The following BAIAP2L1 variants were observed in gnomAD, a reference collection of about 807,000 sequenced individuals.
BAIAP2L1 encodes the protein BAR/IMD domain-containing adapter protein 2-like 1.
In BAIAP2L1, 35 loss-of-function variants were observed where a neutral mutation model predicts 66.3. The ratio of observed to expected loss-of-function variants is 0.53; its 90% CI spans 0.40 to 0.70. The LOEUF (loss-of-function observed/expected upper bound fraction) is 0.70, where lower values mean the gene tolerates loss of function less well. Among genes scored for constraint, BAIAP2L1 ranks in the 30% least tolerant of loss-of-function variants. The probability of loss-of-function intolerance (pLI) is 0.00; values close to 1 mark genes in which losing one functional copy is unlikely to be tolerated. For synonymous variants in BAIAP2L1, 269 were observed against 248.7 expected, an observed-to-expected ratio of 1.08 and a Z score of -0.77; for missense variants, 622 against 656.9, an observed-to-expected ratio of 0.95 and a Z score of 0.58.
intron 3 of BAIAP2L1, among the ~76,000 whole-genome samples, chr7:98,328,571 AT>A (rs1274753586): frequency 6.6e-6 from 1 of 151,520 alleles, no homozygotes; most frequent in Non-Finnish European, 1.5e-5. Context: ...GGGTTCAATA[AT>A]GCACTGGCTT....
At chr7:98,393,096 T>TAC (rs1472771549) in intron 1 of BAIAP2L1, among the ~76,000 whole-genome samples, 4 of 113,474 alleles carry the variant, frequency 3.5e-5, no homozygotes, top group Non-Finnish European at 7.1e-5. Context: ...TATACATATA[T>TAC]ACGTGTACAT....
chr7:98,304,111 G>A (rs1449410415), intron 12 of BAIAP2L1, 85 bp downstream of exon 12: 1 of 1,392,004 alleles, frequency 7.2e-7, no homozygotes, highest in Non-Finnish European at 9.5e-7. Flanking sequence ...ACAGAGCAGA[G>A]CAAGGCGGTC....
At chr7:98,297,718 A>G (rs1424424193) in intron 12 of BAIAP2L1, among the ~76,000 whole-genome samples, 1 of 152,102 alleles carries the variant, frequency 6.6e-6, no homozygotes, top group Non-Finnish European at 1.5e-5. Context: ...AGCCACTGGG[A>G]TCTTTTTGGA....
chr7:98,297,436 G>A (rs1800239221), intron 12 of BAIAP2L1, among the ~76,000 whole-genome samples: 2 of 152,202 alleles, frequency 1.3e-5, no homozygotes, highest in Admixed American at 1.3e-4. Flanking sequence ...GGCCCTCACT[G>A]CAGAGGGCAG....
rs754804998 is a variant in BAIAP2L1, at chr7:98,293,487, C to A, written c.*34G>T. 4 of 1,592,524 alleles carry A rather than the reference C, an allele frequency of 2.5e-6. No individual in the cohort carries two copies. The highest frequency in any genetic ancestry group is 2.6e-6 in the Non-Finnish European group (3 of 1,162,056). ...GCGCCCATCATTCCGCAAGGGAGAACCGGAGAGGCCCGGGAGAGTCCTTGG... is the reference window on the plus strand; with the variant it reads ...GCGCCCATCATTCCGCAAGGGAGAAACGGAGAGGCCCGGGAGAGTCCTTGG... On this transcript the variant is annotated 3_prime_UTR_variant, in exon 14 of 14. Coordinates refer to ENST00000005260, the MANE Select transcript of BAIAP2L1 (RefSeq NM_018842.5).
chr7:98,301,493 AT>A (rs1800421131), intron 12 of BAIAP2L1, among the ~76,000 whole-genome samples: 1 of 149,250 alleles, frequency 6.7e-6, no homozygotes, highest in East Asian at 2.0e-4. Context: ...ATATATATAT[AT>A]TTTAAGTGGA....
intron 1 of BAIAP2L1, chr7:98,400,482 G>A (rs1186569808): frequency 6.2e-5 from 24 of 388,846 alleles, no homozygotes; most frequent in African/African-American, 1.1e-4. Context: ...GAGGGAGAGT[G>A]AACGGGGAGC....
intron 1 of BAIAP2L1, among the ~76,000 whole-genome samples, chr7:98,394,250 C>CAAACAAAT (rs1803145776): frequency 1.3e-5 from 2 of 151,600 alleles, no homozygotes; most frequent in Admixed American, 6.6e-5. Context: ...CAAAAACAAA[C>CAAACAAAT]AAACAAACAA....
intron 1 of BAIAP2L1, among the ~76,000 whole-genome samples, chr7:98,386,860 CAA>C: frequency 6.6e-6 from 1 of 151,832 alleles, no homozygotes; most frequent in Admixed American, 6.6e-5. Context: ...CCACTGCACC[CAA>C]CTAATTTTTT....
intron 1 of BAIAP2L1, among the ~76,000 whole-genome samples, chr7:98,397,745 C>T: frequency 6.6e-6 from 1 of 152,156 alleles, no homozygotes; most frequent in Non-Finnish European, 1.5e-5. Context: ...TGCAAAATCA[C>T]AGCAAGCTTT....
chr7:98,357,047 ATATTTTTTTT>A (rs1359737330), intron 2 of BAIAP2L1, among the ~76,000 whole-genome samples: 1 of 16,488 alleles, frequency 6.1e-5, no homozygotes, highest in African/African-American at 2.4e-4. Context: ...ATATATATAT[ATATTTTTTTT>A]TTTTTTTTTT....
chr7:98,294,063 G>A lies in BAIAP2L1; in HGVS notation c.1460+11C>T. 6.2e-7 allele frequency: 1 copy of A among 1,613,706 alleles called. No homozygotes were observed. Among genetic ancestry groups the A allele is most frequent in the Non-Finnish European group, 8.5e-7 (1 of 1,179,548 alleles). On this transcript the variant is annotated intron_variant, in intron 13 of 13. Transcript: ENST00000005260. ...TCACACACTGAGGCTCACGTAGGAA[G>A]CCACGCCTACCTGAGAAAAGGCGGC... is the stretch of plus-strand genomic sequence containing the variant.
At chr7:98,346,863 G>C (rs1028614503) in intron 3 of BAIAP2L1, among the ~76,000 whole-genome samples, 3 of 152,186 alleles carry the variant, frequency 2.0e-5, no homozygotes, top group African/African-American at 7.2e-5. Context: ...TGGAAATGCT[G>C]ACACTGTTGG....
At chr7:98,294,015 G>A (rs943067220) in intron 13 of BAIAP2L1, 59 bp downstream of exon 13, 1 of 1,572,902 alleles carries the variant, frequency 6.4e-7, no homozygotes, top group African/African-American at 1.4e-5. Flanking sequence ...CCCTTCCGGG[G>A]GACACTACAG....
rs1037823151 is a variant in BAIAP2L1 at position 98,393,055 on chromosome 7, A to G, written c.51+7747T>C. On this transcript the variant is annotated intron_variant, in intron 1 of 13. Transcript: ENST00000005260. The stretch of plus-strand genomic sequence containing the variant: ...TATATATACATATATACGTGTACAT[A>G]TATGTACACATATATGTATACACAC... Among the ~76,000 whole-genome samples, 2 of 106,284 alleles carry G rather than the reference A, an allele frequency of 1.9e-5. 1 individual carries two copies. The highest frequency in any genetic ancestry group is 8.8e-5 in the African/African-American group (2 of 22,836). 69.7% of individuals were successfully genotyped at this position (106,284 alleles called of 152,430 possible).
At chr7:98,371,369 C>G (rs370636744) in intron 1 of BAIAP2L1, among the ~76,000 whole-genome samples, 2 of 152,272 alleles carry the variant, frequency 1.3e-5, no homozygotes, top group East Asian at 1.9e-4. Flanking sequence ...TAATATCACT[C>G]TTCTACTTGT....
intron 1 of BAIAP2L1, among the ~76,000 whole-genome samples, chr7:98,382,182 A>G (rs1322307729): frequency 1.3e-5 from 2 of 152,050 alleles, no homozygotes; most frequent in Non-Finnish European, 2.9e-5. Flanking sequence ...TCAGCCTCCC[A>G]AAGTGCTGGG....
At chr7:98,372,959 C>T (rs1172906249) in intron 1 of BAIAP2L1, among the ~76,000 whole-genome samples, 6 of 152,082 alleles carry the variant, frequency 3.9e-5, no homozygotes, top group Non-Finnish European at 8.8e-5. Flanking sequence ...AGGCTGGTCT[C>T]GAGCTCCTGA....
chr7:98,364,241 C>T (rs1360362655), intron 1 of BAIAP2L1, among the ~76,000 whole-genome samples: 1 of 152,086 alleles, frequency 6.6e-6, no homozygotes, highest in Non-Finnish European at 1.5e-5. Flanking sequence ...GCTGTTTTTC[C>T]TGGGATGGAC....
Sources: gnomAD v4.1 joint callset for allele counts (sites outside exome capture counted in the v4.1 genomes callset) on GRCh38, gnomAD v4.1.1 for gene constraint, MANE v1.5 for transcripts, NCBI Gene and HGNC (gene_info 2026-07-23, HGNC 2026-07-21) for gene names.